The following DOCK3 variants were observed in gnomAD, a reference collection of about 807,000 sequenced individuals.
DOCK3 encodes dedicator of cytokinesis 3.
In DOCK3, 60 loss-of-function variants were observed where a neutral mutation model predicts 265.6. That is an observed-to-expected ratio of 0.23 (90% CI 0.18 to 0.28). The LOEUF is 0.28. Among genes scored for constraint, DOCK3 ranks in the 10% least tolerant of loss-of-function variants. The probability of loss-of-function intolerance (pLI) is 1.00; values close to 1 mark genes in which losing one functional copy is unlikely to be tolerated. For synonymous variants in DOCK3, 881 were observed against 938.0 expected, an observed-to-expected ratio of 0.94 and a Z score of 1.11; for missense variants, 1,981 against 2,594.3, an observed-to-expected ratio of 0.76 and a Z score of 5.14.
chr3:51,272,040 G>A (rs562360757), intron 24 of DOCK3, among the ~76,000 whole-genome samples: 6 of 152,252 alleles, frequency 3.9e-5, no homozygotes, highest in African/African-American at 1.4e-4. Context: ...AGCCTAGTCT[G>A]TCTTTCACAA....
chr3:51,095,549 C>A (rs1274936025), intron 9 of DOCK3, among the ~76,000 whole-genome samples: 1 of 152,094 alleles, frequency 6.6e-6, no homozygotes, highest in Non-Finnish European at 1.5e-5. Context: ...CAGAATCTCC[C>A]AGTTTCTTAA....
chr3:50,802,371 C>T (rs1456194332), intron 2 of DOCK3, among the ~76,000 whole-genome samples: 2 of 151,846 alleles, frequency 1.3e-5, no homozygotes, highest in Non-Finnish European at 2.9e-5. Context: ...TTTTATTGTT[C>T]CGTATGTTTT....
At chr3:50,947,555 A>G (rs1295882550) in intron 5 of DOCK3, among the ~76,000 whole-genome samples, 1 of 152,180 alleles carries the variant, frequency 6.6e-6, no homozygotes, top group East Asian at 1.9e-4. Flanking sequence ...ATTGGATTGT[A>G]TCTCACATAT....
At chr3:51,138,026 A>G (rs1202660921) in intron 9 of DOCK3, among the ~76,000 whole-genome samples, 5 of 152,196 alleles carry the variant, frequency 3.3e-5, no homozygotes, top group Non-Finnish European at 5.9e-5. Context: ...TTATCCAACT[A>G]TGTTTCTACA....
chr3:51,222,979 C>T (rs1047355359), intron 14 of DOCK3, among the ~76,000 whole-genome samples: 1 of 152,188 alleles, frequency 6.6e-6, no homozygotes, highest in Non-Finnish European at 1.5e-5. Context: ...CACTCTGTCA[C>T]CCAGGCTGAA....
chr3:51,005,706 C>T (rs902459301), intron 5 of DOCK3, among the ~76,000 whole-genome samples: 1 of 152,148 alleles, frequency 6.6e-6, no homozygotes, highest in Non-Finnish European at 1.5e-5. Flanking sequence ...CACTTACCAC[C>T]TCAACTGTTC....
chr3:51,242,706 C>T (rs2078662690), intron 21 of DOCK3, among the ~76,000 whole-genome samples: 1 of 152,090 alleles, frequency 6.6e-6, no homozygotes. Flanking sequence ...GGGTGGGGCA[C>T]TGACAAGGAC....
intron 1 of DOCK3, among the ~76,000 whole-genome samples, chr3:50,735,379 A>G (rs2038523583): frequency 1.3e-5 from 2 of 152,196 alleles, no homozygotes; most frequent in South Asian, 4.2e-4. Flanking sequence ...AGTCTCTGTC[A>G]CCCAGGCTGT....
At chr3:50,850,744 A>T (rs2046320145) in intron 3 of DOCK3, among the ~76,000 whole-genome samples, 1 of 152,052 alleles carries the variant, frequency 6.6e-6, no homozygotes, top group African/African-American at 2.4e-5. Flanking sequence ...AATGCTGGGT[A>T]GGGACTTTTG....
At chr3:51,056,654 A>G (rs2081212875) in intron 5 of DOCK3, among the ~76,000 whole-genome samples, 1 of 152,204 alleles carries the variant, frequency 6.6e-6, no homozygotes, top group Non-Finnish European at 1.5e-5. Context: ...AAACATCTAG[A>G]ATAGGATTAG....
At chr3:51,226,262 C>G (rs1427347840) in intron 15 of DOCK3, among the ~76,000 whole-genome samples, 2 of 152,178 alleles carry the variant, frequency 1.3e-5, no homozygotes, top group Non-Finnish European at 2.9e-5. Context: ...GTACAAGTGT[C>G]CTCTGTTATT....
intron 5 of DOCK3, among the ~76,000 whole-genome samples, chr3:51,034,450 C>G (rs975314329): frequency 2.5e-4 from 38 of 152,056 alleles, no homozygotes; most frequent in African/African-American, 8.4e-4. Context: ...TTTTTATAGT[C>G]TACTTGGAGT....
intron 9 of DOCK3, among the ~76,000 whole-genome samples, chr3:51,140,137 C>T (rs1220183850): frequency 6.6e-6 from 1 of 152,180 alleles, no homozygotes; most frequent in Admixed American, 6.5e-5. Flanking sequence ...TTTACCCATT[C>T]AAAGGGTACA....
Position 51,374,470 on chromosome 3 carries a change from C to T in DOCK3, c.5295C>T (p.Gly1765=), listed in dbSNP as rs772275106. Residue 1765 remains glycine, a splice_region_variant and synonymous_variant, in exon 50 of 53, where the codon GGC becomes GGT. Coordinates refer to ENST00000266037, the MANE Select transcript of DOCK3 (RefSeq NM_004947.5). The surrounding 1 kb of genome is among the most constrained non-coding windows in gnomAD (Gnocchi z 4.8). Reference sequence around the variant, plus strand: ...TTGATTGTTCTCACTTGGTTACAGGCTCTCCCTCTCTGCCAGATAAGTACC... The same window carrying T: ...TTGATTGTTCTCACTTGGTTACAGGTTCTCCCTCTCTGCCAGATAAGTACC... ...MITSAPSSAR[G]SPSLPDKYRH... 6.2e-7 allele frequency: 1 copy of T among 1,611,800 alleles called. No homozygotes were observed. The highest frequency in any genetic ancestry group is 8.5e-7 in the Non-Finnish European group (1 of 1,179,044).
intron 3 of DOCK3, among the ~76,000 whole-genome samples, chr3:50,860,388 A>T (rs1027351935): frequency 2.0e-5 from 3 of 152,082 alleles, no homozygotes; most frequent in Admixed American, 2.0e-4. Flanking sequence ...TCTATAGTTG[A>T]TAGTTGAGGC....
At chr3:50,886,497 C>G (rs1040474723) in intron 3 of DOCK3, among the ~76,000 whole-genome samples, 1 of 151,274 alleles carries the variant, frequency 6.6e-6, no homozygotes, top group Admixed American at 6.6e-5. Flanking sequence ...CATGCTGGTG[C>G]GCTGCACCCA....
At chr3:51,248,474 C>G (rs1271949271) in intron 22 of DOCK3, among the ~76,000 whole-genome samples, 1 of 152,232 alleles carries the variant, frequency 6.6e-6, no homozygotes, top group Non-Finnish European at 1.5e-5. Context: ...GGATTGCAGA[C>G]GGAGTGTGGT....
intron 5 of DOCK3, among the ~76,000 whole-genome samples, chr3:50,988,870 G>A (rs906765601): frequency 1.3e-5 from 2 of 152,160 alleles, no homozygotes; most frequent in African/African-American, 4.8e-5. Flanking sequence ...CCCCCAGCCA[G>A]AGCTATCAAG....
intron 14 of DOCK3, among the ~76,000 whole-genome samples, chr3:51,218,882 G>A (rs1048417526): frequency 1.3e-5 from 2 of 152,174 alleles, no homozygotes; most frequent in African/African-American, 4.8e-5. Context: ...TAGTAGGACT[G>A]TGGTGGGACC....
Sources: allele counts gnomAD v4.1 joint callset (sites outside exome capture counted in the v4.1 genomes callset), GRCh38; gene constraint gnomAD v4.1.1; non-coding constraint Gnocchi (gnomAD v3.1); transcripts MANE v1.5; gene names NCBI Gene and HGNC (gene_info 2026-07-23, HGNC 2026-07-21).